The following FGF14 variants were observed in gnomAD, a reference collection of about 807,000 sequenced individuals.
FGF14 encodes fibroblast growth factor homologous factor 4.
FGF14 carries 5 observed loss-of-function variants against 25.5 expected under a neutral mutation model. That is an observed-to-expected ratio of 0.20 (90% CI 0.10 to 0.41). The LOEUF (loss-of-function observed/expected upper bound fraction) is 0.41. FGF14 is among the 10% of genes least tolerant of loss of function. The pLI is 1.00. For synonymous variants in FGF14, 138 were observed against 118.3 expected (o/e 1.17, Z -1.08); for missense variants, 222 against 320.1 (o/e 0.69, Z 2.34).
chr13:102,093,952 G>A (rs1156638427), intron 1 of FGF14, among the ~76,000 whole-genome samples: 1 of 149,626 alleles, frequency 6.7e-6, no homozygotes, highest in African/African-American at 2.5e-5. Context: ...CAGCTTTTAT[G>A]TAGATACAGA....
At chr13:102,065,420 C>T (rs1316042851) in intron 1 of FGF14, among the ~76,000 whole-genome samples, 1 of 152,032 alleles carries the variant, frequency 6.6e-6, no homozygotes, top group Admixed American at 6.6e-5. Flanking sequence ...TATACAATGA[C>T]ACAGTTTAAA....
intron 2 of FGF14, among the ~76,000 whole-genome samples, chr13:101,872,784 AAACT>A (rs1346885584): frequency 3.3e-5 from 5 of 152,128 alleles, no homozygotes; most frequent in African/African-American, 9.7e-5. Flanking sequence ...TAACAAAACT[AAACT>A]AACTGGCTTA....
At chr13:101,923,978 C>T (rs1359205635) in intron 1 of FGF14, among the ~76,000 whole-genome samples, 1 of 152,056 alleles carries the variant, frequency 6.6e-6, no homozygotes, top group Non-Finnish European at 1.5e-5. Context: ...GCCTTCAATA[C>T]TAAAGTGAAT....
intron 1 of FGF14, chr13:102,353,995 G>C (rs887803066): frequency 1.2e-5 from 2 of 167,866 alleles, no homozygotes; most frequent in South Asian, 1.9e-4. Context: ...TGAATCTCAG[G>C]ACCCCAAAAT....
chr13:101,735,277 T>G (rs1453462683), intron 3 of FGF14, among the ~76,000 whole-genome samples: 1 of 152,204 alleles, frequency 6.6e-6, no homozygotes, highest in Non-Finnish European at 1.5e-5. Context: ...AGTTGATAAC[T>G]GATACATATA....
At chr13:102,279,563 A>G (rs565501211) in intron 1 of FGF14, among the ~76,000 whole-genome samples, 1 of 152,258 alleles carries the variant, frequency 6.6e-6, no homozygotes, top group East Asian at 1.9e-4. Context: ...TTGATCACTA[A>G]TTTGTAATAC....
chr13:102,105,702 A>G (rs983248722), intron 1 of FGF14, among the ~76,000 whole-genome samples: 1 of 152,220 alleles, frequency 6.6e-6, no homozygotes, highest in Non-Finnish European at 1.5e-5. Flanking sequence ...TTCTTGTAAT[A>G]TAGTCAGTGA....
chr13:102,028,070 C>T (rs567132310), intron 1 of FGF14, among the ~76,000 whole-genome samples: 5 of 152,126 alleles, frequency 3.3e-5, no homozygotes, highest in East Asian at 1.9e-4. Context: ...GATGGTACAA[C>T]ACAACTCTGC....
At chr13:102,336,026 A>T (rs1331885226) in intron 1 of FGF14, among the ~76,000 whole-genome samples, 1 of 152,100 alleles carries the variant, frequency 6.6e-6, no homozygotes, top group Non-Finnish European at 1.5e-5. Flanking sequence ...TATTCCCTGA[A>T]ACACAAGAAT....
At chr13:102,307,630 A>G (rs2138638409) in intron 1 of FGF14, among the ~76,000 whole-genome samples, 1 of 152,280 alleles carries the variant, frequency 6.6e-6, no homozygotes, top group African/African-American at 2.4e-5. Flanking sequence ...AGCAATAATA[A>G]TCACTAATAT....
chr13:101,855,257 T>C (rs951693087), intron 3 of FGF14, among the ~76,000 whole-genome samples: 2 of 152,038 alleles, frequency 1.3e-5, no homozygotes, highest in Non-Finnish European at 1.5e-5. Flanking sequence ...CTGGGCTTTA[T>C]GTGTCTTCAT....
intron 3 of FGF14, among the ~76,000 whole-genome samples, chr13:101,735,568 C>T (rs961007794): frequency 2.6e-5 from 4 of 151,896 alleles, no homozygotes; most frequent in Admixed American, 6.6e-5. Context: ...CTCCTCTTCA[C>T]GCAACCTGTA....
Position 101,853,058 on chromosome 13 carries a change from C to G in FGF14, c.408+15667G>C, listed in dbSNP as rs547093163. 1.2e-4 allele frequency among the ~76,000 whole-genome samples: 19 copies of G among 152,176 alleles called. No homozygotes were observed. In the South Asian group the frequency reaches 3.7e-3, roughly 30 times the overall value. ...TAGAATATTAAGGACTTAGGAACACCTTGCTTGATGCAGGTGTATAAGAGA... is the reference window on the plus strand; with the variant it reads ...TAGAATATTAAGGACTTAGGAACACGTTGCTTGATGCAGGTGTATAAGAGA... On this transcript the variant is annotated intron_variant, in intron 3 of 4. Coordinates refer to ENST00000376143, the MANE Select transcript of FGF14 (RefSeq NM_004115.4).
chr13:102,014,260 T>C (rs2040224857), intron 1 of FGF14, among the ~76,000 whole-genome samples: 1 of 152,060 alleles, frequency 6.6e-6, no homozygotes, highest in Non-Finnish European at 1.5e-5. Flanking sequence ...CTTCTAAACA[T>C]TTTGGTTGAC....
chr13:101,970,589 C>T (rs968097697), intron 1 of FGF14, among the ~76,000 whole-genome samples: 1 of 152,172 alleles, frequency 6.6e-6, no homozygotes, highest in Non-Finnish European at 1.5e-5. Flanking sequence ...TCTGCCTCTC[C>T]TAAAGCACAG....
intron 1 of FGF14, among the ~76,000 whole-genome samples, chr13:102,006,724 C>CTTTT (rs1566562317): frequency 9.2e-5 from 9 of 97,932 alleles, no homozygotes; most frequent in African/African-American, 1.2e-4. Context: ...CAAAATCTTA[C>CTTTT]TTCTTTTTTT....
intron 1 of FGF14, among the ~76,000 whole-genome samples, chr13:102,314,971 C>T (rs1189746821): frequency 6.7e-6 from 1 of 148,748 alleles, no homozygotes; most frequent in Non-Finnish European, 1.5e-5. Flanking sequence ...ATAACATATA[C>T]ATTATTATAA....
chr13:101,953,734 G>A (rs1021840416), intron 1 of FGF14, among the ~76,000 whole-genome samples: 3 of 151,736 alleles, frequency 2.0e-5, no homozygotes, highest in African/African-American at 7.3e-5. Context: ...GGGATTACAG[G>A]CACGTGCCAA....
chr13:101,789,529 T>C (rs2040109181), intron 3 of FGF14, among the ~76,000 whole-genome samples: 1 of 152,168 alleles, frequency 6.6e-6, no homozygotes, highest in Admixed American at 6.6e-5. Flanking sequence ...ACAGATTCTC[T>C]GACCATCATA....
Sources: gnomAD v4.1 joint callset for allele counts (sites outside exome capture counted in the v4.1 genomes callset) on GRCh38, gnomAD v4.1.1 for gene constraint, MANE v1.5 for transcripts, NCBI Gene and HGNC (gene_info 2026-07-23, HGNC 2026-07-21) for gene names.